GPR107: variants seen among roughly 807,000 people sequenced by gnomAD.
GPR107 encodes the protein G protein-coupled receptor 107.
GPR107 carries 31 observed loss-of-function variants against 75.5 expected under a neutral mutation model. That is an observed-to-expected ratio of 0.41 (90% CI 0.31 to 0.55). GPR107 has a LOEUF of 0.55. GPR107 is among the 20% of genes least tolerant of loss of function. The pLI, the probability that GPR107 is intolerant of heterozygous loss-of-function variation, is 0.26. For synonymous variants in GPR107, 267 were observed against 251.3 expected, an observed-to-expected ratio of 1.06 and a Z score of -0.59; for missense variants, 572 against 665.7, an observed-to-expected ratio of 0.86 and a Z score of 1.55.
intron 8 of GPR107, 115 bp from the exon 9 acceptor site, chr9:130,092,132 GC>G: frequency 2.4e-6 from 2 of 818,064 alleles, no homozygotes; most frequent in Non-Finnish European, 4.0e-6. Context: ...GAGCCACCAT[GC>G]CCAGCCACTG....
At chr9:130,128,445 C>G (rs914550965) in intron 16 of GPR107, among the ~76,000 whole-genome samples, 195 bp from the exon 17 acceptor site, 9 of 152,298 alleles carry the variant, frequency 5.9e-5, no homozygotes, top group Admixed American at 3.9e-4. Context: ...TCGGAAATGT[C>G]AGCCCTGGGC....
At position 130,112,617 on chromosome 9, in the gene GPR107, G is replaced by T. The variant is rs1831333487; in HGVS notation, c.1306+5078G>T. On this transcript the variant is annotated intron_variant, in intron 14 of 17. Coordinates refer to ENST00000347136, the MANE Select transcript of GPR107 (RefSeq NM_020960.5). The surrounding 1 kb of genome is among the most constrained non-coding windows in gnomAD (Gnocchi z 4.0). ...TTGCCTTTTAATATTCTGTGAGACA[G>T]CATGGGAGGTGTGCACACAGCACTG... Among the ~76,000 whole-genome samples the T allele has an allele frequency of 6.6e-6, 1 of 152,234 alleles. No homozygotes were observed. Among genetic ancestry groups the T allele is most frequent in the South Asian group, 2.1e-4 (1 of 4,824 alleles).
At chr9:130,120,479 C>G (rs947768860) in intron 14 of GPR107, among the ~76,000 whole-genome samples, 4 of 152,198 alleles carry the variant, frequency 2.6e-5, no homozygotes, top group African/African-American at 9.7e-5. Context: ...AGTCCCCTCC[C>G]CATCCGCATT....
intron 9 of GPR107, among the ~76,000 whole-genome samples, chr9:130,098,602 A>G (rs958624526): frequency 5.3e-5 from 8 of 152,196 alleles, no homozygotes; most frequent in African/African-American, 1.9e-4. Context: ...GTTGGAATCC[A>G]TCATGTCTAG....
intron 9 of GPR107, among the ~76,000 whole-genome samples, chr9:130,097,213 GGCACCATCTTGGCTCATT>G (rs1202422541): frequency 7.2e-6 from 1 of 138,184 alleles, no homozygotes; most frequent in Admixed American, 8.1e-5. Context: ...GGAGTGCAGT[GGCACCATCTTGGCTCATT>G]GCAACCTCCA....
chr9:130,078,636 G>A (rs1022598163), intron 4 of GPR107, among the ~76,000 whole-genome samples: 4 of 152,160 alleles, frequency 2.6e-5, no homozygotes, highest in Non-Finnish European at 4.4e-5. Flanking sequence ...AGGGACTCTG[G>A]TGCATTTCAT....
rs1183878839 is a variant in GPR107, at chr9:130,136,830, G to T, written c.*1709G>T. 3.3e-5 allele frequency: 5 copies of T among 152,172 alleles called. No individual in the cohort carries two copies. The highest frequency in any genetic ancestry group is 6.5e-5 in the Admixed American group (1 of 15,272). The allele number at this position is 152,172 out of a possible 1,614,324, so 9.4% of individuals were successfully genotyped here. A position where few individuals can be genotyped will look rare whatever the true frequency, so the allele number is the denominator to read the frequency against. On this transcript the variant is annotated 3_prime_UTR_variant, in exon 18 of 18. Coordinates refer to ENST00000347136, the MANE Select transcript of GPR107 (RefSeq NM_020960.5). The stretch of plus-strand genomic sequence containing the variant: ...GGAGGAAGAGCAAGCGCCTTCCCAG[G>T]CCACAGCTGCTCACCTCTCGGCAGA...
intron 17 of GPR107, among the ~76,000 whole-genome samples, chr9:130,130,351 G>A (rs750275161): frequency 1.3e-5 from 2 of 152,210 alleles, no homozygotes; most frequent in Non-Finnish European, 2.9e-5. Context: ...GAGTGAGAGT[G>A]GAAGGAAATG....
intron 1 of GPR107, among the ~76,000 whole-genome samples, chr9:130,070,817 A>G (rs1156803168): frequency 1.1e-4 from 17 of 151,742 alleles, no homozygotes. Flanking sequence ...ATCTGGGCTC[A>G]GGGGATCCTC....
chr9:130,127,637 AGTT>A, intron 16 of GPR107, 71 bp downstream of exon 16: 1 of 813,462 alleles, frequency 1.2e-6, no homozygotes, highest in South Asian at 1.4e-5. Flanking sequence ...GTAACTTAAC[AGTT>A]GTTACTAATT....
Position 130,128,732 on chromosome 9 carries a change from G to GGAA in GPR107, c.1542_1544dup (p.Glu514dup), listed in dbSNP as rs897818059. 6.2e-7 allele frequency: 1 copy of GGAA among 1,613,508 alleles called. No individual in the cohort carries two copies. Among genetic ancestry groups the GGAA allele is most frequent in the Non-Finnish European group, 8.5e-7 (1 of 1,179,404 alleles). On this transcript the variant is annotated inframe_insertion, in exon 17 of 18. Coordinates refer to ENST00000347136, the MANE Select transcript of GPR107 (RefSeq NM_020960.5). ...ATAACCCCTACCTACAACTTTCTCA[G>GGAA]GAAGAAGAAGACTTGGAAATGGAGT... is the stretch of plus-strand genomic sequence containing the variant.
Position 130,139,235 on chromosome 9 carries a change from G to A in GPR107, c.*4114G>A, listed in dbSNP as rs904580660. 7 of 152,040 alleles carry A rather than the reference G, an allele frequency of 4.6e-5. No homozygotes were observed. The highest frequency in any genetic ancestry group is 4.6e-4 in the Admixed American group (7 of 15,268). 9.4% of individuals were successfully genotyped at this position (152,040 alleles called of 1,614,324 possible). On this transcript the variant is annotated 3_prime_UTR_variant, in exon 18 of 18. Coordinates refer to ENST00000347136, the MANE Select transcript of GPR107 (RefSeq NM_020960.5). ...GTGAGACTTTGACTTGATGCCTCTT[G>A]GTATATCAAAAAGATATTCATCCAG...
intron 7 of GPR107, among the ~76,000 whole-genome samples, chr9:130,088,390 C>A (rs924119050): frequency 6.6e-6 from 1 of 152,220 alleles, no homozygotes; most frequent in African/African-American, 2.4e-5. Flanking sequence ...TAGCTCACTC[C>A]TATTTCCCTC....
chr9:130,131,604 C>G (rs1372326956), intron 17 of GPR107, among the ~76,000 whole-genome samples: 7 of 152,026 alleles, frequency 4.6e-5, no homozygotes, highest in African/African-American at 1.2e-4. Flanking sequence ...TCCCCCTGTC[C>G]TCCTGCTCCG....
chr9:130,073,917 G>A (rs1441973240), intron 1 of GPR107, among the ~76,000 whole-genome samples: 1 of 152,114 alleles, frequency 6.6e-6, no homozygotes, highest in South Asian at 2.1e-4. Flanking sequence ...CACAATGCCC[G>A]GCTAATTTTT....
intron 5 of GPR107, among the ~76,000 whole-genome samples, chr9:130,080,256 G>A (rs1830460752): frequency 6.6e-6 from 1 of 152,082 alleles, no homozygotes; most frequent in Non-Finnish European, 1.5e-5. Flanking sequence ...TCTTTAAGAT[G>A]GTTTTCAGAA....
In GPR107 at chr9:130,138,405, C is replaced by G. The variant is rs572772986; in HGVS notation, c.*3284C>G. ...TCTCTGCTGTCTCATTCCACAGCCT[C>G]CCTCCCTCTTCTCTCCTCCTCTGCC... On this transcript the variant is annotated 3_prime_UTR_variant, in exon 18 of 18. Transcript: ENST00000347136. The G allele has an allele frequency of 1.3e-5, 2 of 151,190 alleles. No individual in the cohort carries two copies. Among genetic ancestry groups the G allele is most frequent in the Non-Finnish European group, 1.5e-5 (1 of 67,924 alleles). 9.4% of individuals were successfully genotyped at this position (151,190 alleles called of 1,614,324 possible). A position where few individuals can be genotyped will look rare whatever the true frequency, so the allele number is the denominator to read the frequency against.
chr9:130,072,514 C>T (rs1029295878), intron 1 of GPR107, among the ~76,000 whole-genome samples: 1 of 151,964 alleles, frequency 6.6e-6, no homozygotes, highest in Non-Finnish European at 1.5e-5. Flanking sequence ...CCACCGCGCC[C>T]GGCCTTGATC....
intron 9 of GPR107, among the ~76,000 whole-genome samples, chr9:130,096,710 G>A (rs896065849): frequency 1.3e-5 from 2 of 151,966 alleles, no homozygotes; most frequent in Admixed American, 6.6e-5. Context: ...TCAGGTGATC[G>A]GCCTCCCAAA....
Sources: allele counts gnomAD v4.1 joint callset (sites outside exome capture counted in the v4.1 genomes callset), GRCh38; gene constraint gnomAD v4.1.1; non-coding constraint Gnocchi (gnomAD v3.1); transcripts MANE v1.5; gene names NCBI Gene and HGNC (gene_info 2026-07-23, HGNC 2026-07-21).